The following PDE3B variants were observed in gnomAD, a reference collection of about 807,000 sequenced individuals.
PDE3B encodes the protein phosphodiesterase 3B.
Under a neutral mutation model 116.8 loss-of-function variants are expected in PDE3B, and 66 were observed. That is an observed-to-expected ratio of 0.56 (90% CI 0.46 to 0.69). PDE3B has a LOEUF of 0.69. Ranked by LOEUF, PDE3B falls within the 30% of genes least tolerant of loss-of-function variation. The pLI is 0.00. For synonymous variants in PDE3B, 595 were observed against 533.6 expected (o/e 1.12, Z -1.59); for missense variants, 1,384 against 1,368.1 (o/e 1.01, Z -0.18).
Position 14,859,045 on chromosome 11 carries a change from A to G in PDE3B, c.2523A>G (p.Ala841=). The change falls in exon 13 of 16, where the codon GCA becomes GCG. Residue 841 remains alanine, a splice_region_variant and synonymous_variant. Coordinates refer to ENST00000282096, the MANE Select transcript of PDE3B (RefSeq NM_000922.4). ...CATTTTTCTATATTTCTTTTTAGGC[A>G]GTTTTATACAATGACAGATCTGTTC... ...AFLVATNAPQ[A]VLYNDRSVLE... The G allele has an allele frequency of 5.6e-6, 9 of 1,600,430 alleles. No individual in the cohort carries two copies. The highest frequency in any genetic ancestry group is 7.7e-6 in the Non-Finnish European group (9 of 1,173,426).
At chr11:14,794,964 C>T (rs1042321074) in intron 4 of PDE3B, among the ~76,000 whole-genome samples, 1 of 152,188 alleles carries the variant, frequency 6.6e-6, no homozygotes, top group African/African-American at 2.4e-5. Context: ...GAGTATACCA[C>T]CTTCCTTGCT....
At chr11:14,823,703 A>G (rs927462347) in intron 7 of PDE3B, among the ~76,000 whole-genome samples, 7 of 151,966 alleles carry the variant, frequency 4.6e-5, no homozygotes, top group African/African-American at 1.7e-4. Context: ...TACACCCTTC[A>G]CTGTTGATAC....
intron 5 of PDE3B, among the ~76,000 whole-genome samples, chr11:14,810,422 G>T (rs941669602): frequency 4.4e-4 from 66 of 150,292 alleles, no homozygotes; most frequent in African/African-American, 1.6e-3. Flanking sequence ...GCAGTGTTTG[G>T]TTTTTTGTTC....
Position 14,700,047 on chromosome 11 carries a change from A to G in PDE3B, c.978+54994A>G, listed in dbSNP as rs562632527. On this transcript the variant is annotated intron_variant, in intron 1 of 15. Transcript: ENST00000282096. ...AGTTTGGCTTAAATGAATAAATACT[A>G]TTTTTACCCATGGTCACCTTAAAAA... Among the ~76,000 whole-genome samples, 97 of 151,800 alleles carry G rather than the reference A, an allele frequency of 6.4e-4. 1 individual carries two copies. The highest frequency in any genetic ancestry group is 2.3e-3 in the South Asian group (11 of 4,818).
chr11:14,661,410 C>A (rs527824249), intron 1 of PDE3B, among the ~76,000 whole-genome samples: 1 of 152,352 alleles, frequency 6.6e-6, no homozygotes, highest in Non-Finnish European at 1.5e-5. Flanking sequence ...GCATTTCCAT[C>A]TGAGGTACTG....
Position 14,644,296 on chromosome 11 carries a change from C to G in PDE3B, c.221C>G (p.Pro74Arg), listed in dbSNP as rs373671551. The G allele has an allele frequency of 7.0e-6, 11 of 1,564,808 alleles. No homozygotes were observed. In the East Asian group the frequency reaches 2.4e-4, roughly 34 times the overall value. Reference sequence around the variant, plus strand: ...CCCCAGCAGCCGCGGCGCTGCTCCCCCTTCTGCCGGGCGCGCCTCTCGCTG... The same window carrying G: ...CCCCAGCAGCCGCGGCGCTGCTCCCGCTTCTGCCGGGCGCGCCTCTCGCTG... ...ASPQQPRRCS[P>R]FCRARLSLGA... The change falls in exon 1 of 16, where the codon CCC (proline) becomes CGC (arginine). Residue 74 changes from proline to arginine, a missense_variant. Pro to Arg is a moderately radical substitution (Grantham distance 103). Transcript: ENST00000282096.
At chr11:14,822,426 A>C (rs1004573934) in intron 7 of PDE3B, among the ~76,000 whole-genome samples, 1 of 152,244 alleles carries the variant, frequency 6.6e-6, no homozygotes, top group South Asian at 2.1e-4. Context: ...GGGATTCATC[A>C]AGAAAACAAC....
intron 5 of PDE3B, among the ~76,000 whole-genome samples, chr11:14,810,561 C>T (rs1468019624): frequency 6.6e-6 from 1 of 151,858 alleles, no homozygotes; most frequent in African/African-American, 2.4e-5. Context: ...TTCATCCAGT[C>T]TATCATTGTT....
intron 1 of PDE3B, among the ~76,000 whole-genome samples, chr11:14,649,887 G>A (rs1018970985): frequency 2.6e-5 from 4 of 152,186 alleles, no homozygotes; most frequent in Non-Finnish European, 4.4e-5. Context: ...AAAACTGTTA[G>A]CTAAACAACA....
intron 2 of PDE3B, among the ~76,000 whole-genome samples, chr11:14,777,045 C>T (rs568840730): frequency 1.1e-4 from 16 of 151,900 alleles, no homozygotes; most frequent in African/African-American, 3.6e-4. Flanking sequence ...AAAATATTAG[C>T]AAAAGAAATA....
intron 4 of PDE3B, among the ~76,000 whole-genome samples, chr11:14,792,460 G>A (rs1009863765): frequency 1.7e-4 from 26 of 151,988 alleles, no homozygotes; most frequent in Admixed American, 3.3e-4. Flanking sequence ...ATTTAATTTT[G>A]CTTTTATTCA....
chr11:14,844,056 A>C (rs1344242879), intron 12 of PDE3B, 30 bp downstream of exon 12: 1 of 1,541,360 alleles, frequency 6.5e-7, no homozygotes, highest in South Asian at 1.1e-5. Context: ...ACCTTTAAAG[A>C]GTAATTCTGA....
chr11:14,890,826 G>A, the PDE3B span: 5 of 979,018 alleles, frequency 5.1e-6, no homozygotes, highest in Non-Finnish European at 6.1e-6. Context: ...GGGATTATAG[G>A]CGTGAGCCAC....
chr11:14,863,861 T>A (rs1417159635), intron 14 of PDE3B, among the ~76,000 whole-genome samples: 2 of 152,110 alleles, frequency 1.3e-5, no homozygotes, highest in Admixed American at 6.6e-5. Flanking sequence ...TACCAAATTG[T>A]AAAGACCATG....
intron 1 of PDE3B, among the ~76,000 whole-genome samples, chr11:14,745,141 A>G (rs927648505): frequency 3.9e-5 from 6 of 152,114 alleles, no homozygotes; most frequent in Non-Finnish European, 7.4e-5. Flanking sequence ...GCTTTTTTGG[A>G]GGGAGACTGT....
At chr11:14,688,891 G>A (rs1348940844) in intron 1 of PDE3B, among the ~76,000 whole-genome samples, 1 of 152,076 alleles carries the variant, frequency 6.6e-6, no homozygotes, top group Non-Finnish European at 1.5e-5. Context: ...TTCTGCCTTA[G>A]CCTCCCCAGT....
chr11:14,753,822 T>C (rs1857116021), intron 1 of PDE3B, among the ~76,000 whole-genome samples: 1 of 152,110 alleles, frequency 6.6e-6, no homozygotes, highest in African/African-American at 2.4e-5. Flanking sequence ...GCAGGAGATT[T>C]TAAAAACTCC....
intron 1 of PDE3B, among the ~76,000 whole-genome samples, chr11:14,744,800 G>A (rs1450096490): frequency 6.6e-6 from 1 of 152,078 alleles, no homozygotes; most frequent in African/African-American, 2.4e-5. Context: ...GAGAACTTTT[G>A]CATTAGGGAC....
Position 14,644,700 on chromosome 11 carries a change from A to T in PDE3B, c.625A>T (p.Thr209Ser). 5.3e-6 allele frequency: 8 copies of T among 1,519,378 alleles called. No homozygotes were observed. The highest frequency in any genetic ancestry group is 6.2e-6 in the Non-Finnish European group (7 of 1,135,948). 94.1% of individuals were successfully genotyped at this position (1,519,378 alleles called of 1,614,324 possible). ...LVLSCVGLLL[T>S]LAHPLRLRHC... Reference sequence around the variant, plus strand: ...GCTGAGCTGCGTAGGGCTGCTGCTGACGCTCGCGCACCCGCTGCGGCTCCG... The same window carrying T: ...GCTGAGCTGCGTAGGGCTGCTGCTGTCGCTCGCGCACCCGCTGCGGCTCCG... The change falls in exon 1 of 16, where the codon ACG becomes TCG. Residue 209 changes from threonine to serine, a missense_variant. This residue lies in a region of PDE3B where 956 missense variants were observed against 806.8 expected (regional missense o/e 1.18). Coordinates refer to ENST00000282096, the MANE Select transcript of PDE3B (RefSeq NM_000922.4).
Sources: allele counts gnomAD v4.1 joint callset (sites outside exome capture counted in the v4.1 genomes callset), GRCh38; gene constraint gnomAD v4.1.1; regional missense constraint gnomAD v4.1.1; transcripts MANE v1.5; gene names NCBI Gene and HGNC (gene_info 2026-07-23, HGNC 2026-07-21).